The following AASDHPPT variants were observed in gnomAD, a reference collection of about 807,000 sequenced individuals.
The protein encoded by AASDHPPT is L-aminoadipate-semialdehyde dehydrogenase-phosphopantetheinyl transferase.
A neutral mutation model predicts 36.4 loss-of-function variants in AASDHPPT; 23 were observed. The ratio of observed to expected loss-of-function variants is 0.63; its 90% confidence interval spans 0.45 to 0.89. The LOEUF (loss-of-function observed/expected upper bound fraction) is 0.89, where lower values mean the gene tolerates loss of function less well. Among genes scored for constraint, AASDHPPT ranks in the 40% least tolerant of loss-of-function variants. The pLI, the probability that AASDHPPT is intolerant of heterozygous loss-of-function variation, is 0.00. For synonymous variants in AASDHPPT, 115 were observed against 128.0 expected, an observed-to-expected ratio of 0.90 and a Z score of 0.68; for missense variants, 377 against 378.2, an observed-to-expected ratio of 1.00 and a Z score of 0.03.
chr11:106,085,985 A>G lies in AASDHPPT; in HGVS notation c.410-4572A>G, dbSNP rs148052655. ...CAGGTTTTCAGATTAGGGATCCTCA[A>G]TCTCTAGCTAAGAAGTGATGGACCA... On this transcript the variant is annotated intron_variant, in intron 2 of 5. Coordinates refer to ENST00000278618, the MANE Select transcript of AASDHPPT (RefSeq NM_015423.3). 1.2e-4 allele frequency: 19 copies of G among 152,338 alleles called. No homozygotes were observed. In the East Asian group the frequency reaches 2.5e-3, roughly 20 times the overall value. 9.4% of individuals were successfully genotyped at this position (152,338 alleles called of 1,614,324 possible). A position where few individuals can be genotyped will look rare whatever the true frequency, so the allele number is the denominator to read the frequency against.
intron 2 of AASDHPPT, among the ~76,000 whole-genome samples, chr11:106,081,879 G>T (rs1207091675): frequency 6.6e-6 from 1 of 151,424 alleles, no homozygotes; most frequent in Non-Finnish European, 1.5e-5. Flanking sequence ...AGGGGGGAGG[G>T]ATAGCATTAG....
chr11:106,095,703 C>A (rs1019625407), intron 5 of AASDHPPT: 3 of 152,162 alleles, frequency 2.0e-5, no homozygotes, highest in Non-Finnish European at 4.4e-5. Context: ...ACACACCAAA[C>A]CTTTGATAGA....
At position 106,098,535 on chromosome 11, in the gene AASDHPPT, T is replaced by A. The variant is rs966883492; in HGVS notation, c.*1628T>A. The A allele has an allele frequency of 2.0e-5, 3 of 151,806 alleles. No homozygotes were observed. Among genetic ancestry groups the A allele is most frequent in the Non-Finnish European group, 2.9e-5 (2 of 67,876 alleles). 9.4% of individuals were successfully genotyped at this position (151,806 alleles called of 1,614,324 possible). A position where few individuals can be genotyped will look rare whatever the true frequency, so the allele number is the denominator to read the frequency against. ...AAAAAATTTGAATGTTTTTTTTTTT[T>A]ATTTTATTAAGCATGCCCAGTTATG... On this transcript the variant is annotated 3_prime_UTR_variant, in exon 6 of 6. Transcript: ENST00000278618.
chr11:106,081,097 G>C (rs1861133897), intron 2 of AASDHPPT, among the ~76,000 whole-genome samples: 1 of 152,136 alleles, frequency 6.6e-6, no homozygotes, highest in Non-Finnish European at 1.5e-5. Context: ...ACATCTCTTA[G>C]TACCTTGCCT....
chr11:106,097,030 T>C lies in AASDHPPT; in HGVS notation c.*123T>C. On this transcript the variant is annotated 3_prime_UTR_variant, in exon 6 of 6. Coordinates refer to ENST00000278618, the MANE Select transcript of AASDHPPT (RefSeq NM_015423.3). Reference sequence around the variant, plus strand: ...AAGTTTTTTTAAAGAACAGAAACTTTTCCAATTAAAAAAAAAAAGCAGACT... The same window carrying C: ...AAGTTTTTTTAAAGAACAGAAACTTCTCCAATTAAAAAAAAAAAGCAGACT... 2 of 1,042,858 alleles carry C rather than the reference T, an allele frequency of 1.9e-6. No individual in the cohort carries two copies. The allele number at this position is 1,042,858 out of a possible 1,614,324, so 64.6% of individuals were successfully genotyped here. A position where few individuals can be genotyped will look rare whatever the true frequency, so the allele number is the denominator to read the frequency against.
Position 106,097,345 on chromosome 11 carries a change from G to T in AASDHPPT, c.*438G>T. On this transcript the variant is annotated 3_prime_UTR_variant, in exon 6 of 6. Transcript: ENST00000278618. ...ACTGTTTTGTAAATTCTTTTTAACT[G>T]CACATCTACTGTTCATAAATATACC... 1 of 163,038 alleles carries T rather than the reference G, an allele frequency of 6.1e-6. No individual in the cohort carries two copies. Among genetic ancestry groups the T allele is most frequent in the Non-Finnish European group, 1.3e-5 (1 of 75,954 alleles). The allele number at this position is 163,038 out of a possible 1,614,324, so 10.1% of individuals were successfully genotyped here. A position where few individuals can be genotyped will look rare whatever the true frequency, so the allele number is the denominator to read the frequency against.
chr11:106,089,922 G>A (rs545035109), intron 2 of AASDHPPT, among the ~76,000 whole-genome samples: 14 of 152,044 alleles, frequency 9.2e-5, no homozygotes, highest in Non-Finnish European at 1.8e-4. Context: ...CTGCAACCAC[G>A]AAAGAGTAAT....
intron 2 of AASDHPPT, among the ~76,000 whole-genome samples, chr11:106,084,290 G>A (rs1415963224): frequency 2.0e-5 from 3 of 152,106 alleles, no homozygotes; most frequent in African/African-American, 7.2e-5. Context: ...TTGATTTAGC[G>A]ATCTTGTTTA....
chr11:106,082,907 T>C (rs531256974), intron 2 of AASDHPPT, among the ~76,000 whole-genome samples: 1 of 152,278 alleles, frequency 6.6e-6, no homozygotes, highest in East Asian at 1.9e-4. Flanking sequence ...TTTGTGACCA[T>C]ATTTACAAAG....
Position 106,096,786 on chromosome 11 carries a change from C to G in AASDHPPT, c.809C>G (p.Thr270Ser). The G allele has an allele frequency of 6.2e-7, 1 of 1,607,666 alleles. No homozygotes were observed. The highest frequency in any genetic ancestry group is 8.5e-7 in the Non-Finnish European group (1 of 1,177,728). The change falls in exon 6 of 6, where the codon ACT (threonine) becomes AGT (serine). Residue 270 changes from threonine to serine, a missense_variant. Transcript: ENST00000278618. ...DDSKPTQRQF[T>S]ILNFNDLMSS... is the part of the protein sequence containing the mutation. ...TCCAAACCAACCCAGAGGCAATTTACTATTCTCAACTTTAATGATTTAATG... is the reference window on the plus strand; with the variant it reads ...TCCAAACCAACCCAGAGGCAATTTAGTATTCTCAACTTTAATGATTTAATG...
At chr11:106,087,305 C>T (rs1443946877) in intron 2 of AASDHPPT, among the ~76,000 whole-genome samples, 1 of 152,110 alleles carries the variant, frequency 6.6e-6, no homozygotes, top group Non-Finnish European at 1.5e-5. Flanking sequence ...GACAAATGAG[C>T]TGATAAGCAT....
At chr11:106,087,747 G>T (rs1234791728) in intron 2 of AASDHPPT, among the ~76,000 whole-genome samples, 1 of 152,110 alleles carries the variant, frequency 6.6e-6, no homozygotes, top group Non-Finnish European at 1.5e-5. Context: ...GTCTTGATTA[G>T]TTAATCATTC....
chr11:106,079,439 C>T (rs368984781), intron 1 of AASDHPPT, 28 bp from the exon 2 acceptor site: 6 of 1,550,474 alleles, frequency 3.9e-6, no homozygotes, highest in Non-Finnish European at 5.3e-6. Flanking sequence ...GACATCAGTA[C>T]ATACCAAATG....
chr11:106,084,396 A>G (rs998787258), intron 2 of AASDHPPT, among the ~76,000 whole-genome samples: 4 of 152,318 alleles, frequency 2.6e-5, no homozygotes, highest in Non-Finnish European at 5.9e-5. Context: ...CATTCTGCAG[A>G]TAATTATTAG....
chr11:106,095,231 T>TC (rs749336051), intron 5 of AASDHPPT, among the ~76,000 whole-genome samples: 1 of 152,170 alleles, frequency 6.6e-6, no homozygotes, highest in Non-Finnish European at 1.5e-5. Context: ...CAATAGACAT[T>TC]CAAGATTATC....
intron 2 of AASDHPPT, among the ~76,000 whole-genome samples, chr11:106,082,026 G>T (rs1027795247): frequency 2.0e-5 from 3 of 151,456 alleles, no homozygotes; most frequent in East Asian, 1.9e-4. Context: ...TAATAAAAAA[G>T]AAAAATAAAT....
rs1861323271 is a variant in AASDHPPT, at chr11:106,097,098, C to A, written c.*191C>A. On this transcript the variant is annotated 3_prime_UTR_variant, in exon 6 of 6. Transcript: ENST00000278618. ...CACTGGAATACATGTTTACCTCTTT[C>A]TTTCCTAAATTGCATTGAATTGATA... 4.0e-6 allele frequency: 2 copies of A among 499,976 alleles called. No homozygotes were observed. The highest frequency in any genetic ancestry group is 6.7e-6 in the Non-Finnish European group (2 of 298,696). 31.0% of individuals were successfully genotyped at this position (499,976 alleles called of 1,614,324 possible).
Position 106,090,612 on chromosome 11 carries a change from A to C in AASDHPPT, c.465A>C (p.Lys155Asn), listed in dbSNP as rs554145918. 1 of 1,602,914 alleles carries C rather than the reference A, an allele frequency of 6.2e-7. No homozygotes were observed. The highest frequency in any genetic ancestry group is 1.1e-5 in the South Asian group (1 of 88,508). ...TTATGAAAAGAAAGTTTACCAACAA[A>C]GAATGGGAAACAATCAGAAGCTTTA... is the stretch of plus-strand genomic sequence containing the variant. The part of the protein sequence containing the change: ...FHIMKRKFTN[K>N]EWETIRSFKD... The change falls in exon 3 of 6, where the codon AAA (lysine) becomes AAC (asparagine). Residue 155 changes from lysine (K) to asparagine (N), a missense_variant. By Grantham distance (94) the Lys-to-Asn change is moderately conservative (BLOSUM62 0). Coordinates refer to ENST00000278618, the MANE Select transcript of AASDHPPT (RefSeq NM_015423.3).
At chr11:106,089,874 A>G (rs1434867435) in intron 2 of AASDHPPT, among the ~76,000 whole-genome samples, 1 of 152,058 alleles carries the variant, frequency 6.6e-6, no homozygotes, top group African/African-American at 2.4e-5. Flanking sequence ...GGCACTAAAG[A>G]TATATTTCAA....
Sources: allele counts gnomAD v4.1 joint callset (sites outside exome capture counted in the v4.1 genomes callset), GRCh38; gene constraint gnomAD v4.1.1; transcripts MANE v1.5; gene names NCBI Gene and HGNC (gene_info 2026-07-23, HGNC 2026-07-21).